The following SVOP variants were observed in gnomAD, a reference collection of about 807,000 sequenced individuals.
SVOP encodes the protein synaptic vesicle 2-related protein.
A neutral mutation model predicts 69.1 loss-of-function variants in SVOP; 17 were observed. The observed-to-expected ratio is 0.25, with a 90% CI of 0.17 to 0.37. The LOEUF is 0.37. SVOP is among the 10% of genes least tolerant of loss of function. The pLI is 1.00. For missense variants in SVOP, 435 were observed against 597.5 expected (o/e 0.73, Z 2.84); for synonymous variants, 238 against 238.6 (o/e 1.00, Z 0.02).
chr12:108,979,089 G>GCA lies in SVOP; in HGVS notation c.197-427_197-426insTG, dbSNP rs1271207778. Among the ~76,000 whole-genome samples the GCA allele has an allele frequency of 1.7e-4, 17 of 102,434 alleles. No homozygotes were observed. In the East Asian group the frequency reaches 5.7e-3, roughly 34 times the overall value. 67.2% of individuals were successfully genotyped at this position (102,434 alleles called of 152,430 possible). The stretch of plus-strand genomic sequence containing the variant: ...TTCTTGGAAATGTACGCATGTGGGT[G>GCA]TACATGTATCTATCCGTAGAATATA... On this transcript the variant is annotated intron_variant, in intron 2 of 15. Coordinates refer to ENST00000610966, the MANE Select transcript of SVOP (RefSeq NM_018711.5).
At position 108,917,439 on chromosome 12, in the gene SVOP, G is replaced by T. The variant is rs974089863; in HGVS notation, c.1350+604C>A. ...AATTCTCTCCTGATCTACTTCCACT[G>T]CCAGGAAAATTCTCCTCATAGGGCC... On this transcript the variant is annotated intron_variant, in intron 14 of 15. Transcript: ENST00000610966. Among the ~76,000 whole-genome samples, 4 of 152,096 alleles carry T rather than the reference G, an allele frequency of 2.6e-5. No homozygotes were observed. The East Asian group carries it at 7.7e-4, about 29-fold the overall frequency.
chr12:109,004,777 AC>A (rs2040295690), intron 1 of SVOP, among the ~76,000 whole-genome samples: 1 of 151,328 alleles, frequency 6.6e-6, no homozygotes, highest in Non-Finnish European at 1.5e-5. Context: ...TCACTCTGCC[AC>A]CCAGGCTGGA....
At chr12:108,922,393 C>G (rs916842468) in intron 12 of SVOP, among the ~76,000 whole-genome samples, 2 of 152,186 alleles carry the variant, frequency 1.3e-5, no homozygotes, top group Non-Finnish European at 2.9e-5. Context: ...GGGAAACAGT[C>G]ACCAAGGTAC....
At chr12:109,013,176 A>T (rs1197662761) in intron 1 of SVOP, among the ~76,000 whole-genome samples, 2 of 152,218 alleles carry the variant, frequency 1.3e-5, no homozygotes, top group Non-Finnish European at 2.9e-5. Context: ...TATCCCACAC[A>T]CTTGGGATAC....
chr12:109,014,238 A>T (rs1223152769), intron 1 of SVOP, among the ~76,000 whole-genome samples: 6 of 150,098 alleles, frequency 4.0e-5, no homozygotes, highest in African/African-American at 1.5e-4. Flanking sequence ...CTGGTCTTGA[A>T]CTCCTGCCTT....
At chr12:108,948,096 A>C (rs985143560) in intron 6 of SVOP, among the ~76,000 whole-genome samples, 2 of 151,840 alleles carry the variant, frequency 1.3e-5, no homozygotes, top group Admixed American at 1.3e-4. Flanking sequence ...TACGTGTATA[A>C]AAGGCCCATC....
Position 108,919,678 on chromosome 12 carries a change from C to G in SVOP, c.1265G>C (p.Gly422Ala), listed in dbSNP as rs1216319519. The G allele has an allele frequency of 6.3e-7, 1 of 1,599,362 alleles. No individual in the cohort carries two copies. The highest frequency in any genetic ancestry group is 8.5e-7 in the Non-Finnish European group (1 of 1,173,144). The change falls in exon 13 of 16, where the codon GGA (glycine) becomes GCA (alanine). Residue 422 changes from glycine to alanine, a missense_variant. By Grantham distance (60) the Gly-to-Ala change is moderately conservative. Coordinates refer to ENST00000610966, the MANE Select transcript of SVOP (RefSeq NM_018711.5). ...FCSLLLFICV[G>A]RNVLTLLLFI... ...CCTAGGCTTGCAGATCACCTACCTT[C>G]CAACACAGATAAACAGCAGGAGGCT...
At chr12:108,989,056 A>G (rs1054015581) in intron 1 of SVOP, among the ~76,000 whole-genome samples, 4 of 152,110 alleles carry the variant, frequency 2.6e-5, no homozygotes, top group African/African-American at 4.8e-5. Flanking sequence ...TACAGGCATG[A>G]GCCACCATGC....
chr12:108,989,216 C>T (rs549851342), intron 1 of SVOP, among the ~76,000 whole-genome samples: 6 of 152,196 alleles, frequency 3.9e-5, no homozygotes, highest in Non-Finnish European at 8.8e-5. Flanking sequence ...ACTACAGGCA[C>T]GCACCACCAC....
At chr12:108,960,799 G>T in intron 6 of SVOP, 124 bp downstream of exon 6, 1 of 1,175,826 alleles carries the variant, frequency 8.5e-7, no homozygotes, top group Non-Finnish European at 1.2e-6. Context: ...GATCCTGGAA[G>T]CCCTGGTATA....
At position 108,910,098 on chromosome 12, in the gene SVOP, T is replaced by C. The variant is rs1373943771; in HGVS notation, c.*2437A>G. 1.3e-5 allele frequency: 2 copies of C among 151,306 alleles called. No individual in the cohort carries two copies. The highest frequency in any genetic ancestry group is 2.0e-4 in the East Asian group (1 of 5,118). The allele number at this position is 151,306 out of a possible 1,614,324, so 9.4% of individuals were successfully genotyped here. A position where few individuals can be genotyped will look rare whatever the true frequency, so the allele number is the denominator to read the frequency against. ...CCTCAGCCTCCTGAGTAGCTGGGAC[T>C]ACAGGCACCCGCCACCACACCTGGC... On this transcript the variant is annotated 3_prime_UTR_variant, in exon 16 of 16. Transcript: ENST00000610966.
At chr12:108,931,359 A>C (rs1194337124) in intron 11 of SVOP, among the ~76,000 whole-genome samples, 2 of 152,258 alleles carry the variant, frequency 1.3e-5, no homozygotes, top group African/African-American at 2.4e-5. Context: ...TAAAAGTCAG[A>C]ATGGCTTAAA....
intron 9 of SVOP, among the ~76,000 whole-genome samples, chr12:108,938,536 C>A (rs2039869656): frequency 6.6e-6 from 1 of 152,246 alleles, no homozygotes; most frequent in Admixed American, 6.5e-5. Context: ...GAAACCAAAG[C>A]AGGAGCAGTT....
At chr12:108,983,852 C>A (rs1439476044) in intron 1 of SVOP, 91 bp from the exon 2 acceptor site, 1 of 398,388 alleles carries the variant, frequency 2.5e-6, no homozygotes, top group East Asian at 3.6e-5. Flanking sequence ...AGGTGAAAGA[C>A]TTCTTCTCAT....
chr12:108,910,653 T>C lies in SVOP; in HGVS notation c.*1882A>G, dbSNP rs2039676199. On this transcript the variant is annotated 3_prime_UTR_variant, in exon 16 of 16. Coordinates refer to ENST00000610966, the MANE Select transcript of SVOP (RefSeq NM_018711.5). ...GTATTGTTTGCAGTTGATTTAGAACTTGAGCTGGAAGAAGTCCCCCATCAT... is the reference window on the plus strand; with the variant it reads ...GTATTGTTTGCAGTTGATTTAGAACCTGAGCTGGAAGAAGTCCCCCATCAT... 6.6e-6 allele frequency: 1 copy of C among 152,190 alleles called. No homozygotes were observed. The highest frequency in any genetic ancestry group is 6.5e-5 in the Admixed American group (1 of 15,286). 9.4% of individuals were successfully genotyped at this position (152,190 alleles called of 1,614,324 possible).
chr12:108,955,113 T>C (rs556948377), intron 6 of SVOP, among the ~76,000 whole-genome samples: 63 of 152,358 alleles, frequency 4.1e-4, no homozygotes, highest in Non-Finnish European at 6.9e-4. Context: ...CTTCTCATTC[T>C]ACCATCTTGA....
chr12:108,981,513 T>A (rs1032759302), intron 2 of SVOP, among the ~76,000 whole-genome samples: 105 of 151,766 alleles, frequency 6.9e-4, no homozygotes, highest in Admixed American at 3.6e-3. Context: ...GGAGACCAGG[T>A]CCCACAGCAC....
At chr12:108,941,372 G>T (rs1279564387) in intron 7 of SVOP, among the ~76,000 whole-genome samples, 1 of 152,042 alleles carries the variant, frequency 6.6e-6, no homozygotes, top group Admixed American at 6.6e-5. Context: ...ACAGGCACAT[G>T]CCACCATGCC....
At chr12:108,959,683 A>C (rs1334983987) in intron 6 of SVOP, among the ~76,000 whole-genome samples, 1 of 152,082 alleles carries the variant, frequency 6.6e-6, no homozygotes, top group Non-Finnish European at 1.5e-5. Context: ...CATCCCTCCA[A>C]GCTGACCAAC....
Sources: gnomAD v4.1 joint callset for allele counts (sites outside exome capture counted in the v4.1 genomes callset) on GRCh38, gnomAD v4.1.1 for gene constraint, MANE v1.5 for transcripts, NCBI Gene and HGNC (gene_info 2026-07-23, HGNC 2026-07-21) for gene names.